The following IFNA13 variants were observed in gnomAD, a reference collection of about 807,000 sequenced individuals.
IFNA13 encodes the protein interferon alpha 13, also known as interferon alpha-13.
For missense variants in IFNA13, 166 were observed against 220.7 expected, an observed-to-expected ratio of 0.75 and a Z score of 1.57; for synonymous variants, 61 against 86.3, an observed-to-expected ratio of 0.71 and a Z score of 1.62.
At chr9:21,367,620 C>T in exon 1 of IFNA13, 2 of 1,572,054 alleles carry the variant, frequency 1.3e-6, no homozygotes, top group Non-Finnish European at 1.7e-6. Context: ...GGAGTTTCTC[C>T]CACCCTCTCC....
rs1164592178 is a variant in IFNA13, at chr9:21,367,677, C to T, written c.334G>A (p.Glu112Lys). Residue 112 changes from glutamate (E) to lysine (K), a missense_variant, in exon 1 of 1, where the codon GAA (glutamate) becomes AAA (lysine). By Grantham distance (56) the Glu-to-Lys change is moderately conservative. Coordinates refer to ENST00000610660, the Ensembl canonical transcript of IFNA13. ...AAGTCATTCAGCTGCTGGTAGAGTTCGGTGCAGAATTTGTCTAGGAGGTCC... is the reference window on the plus strand; with the variant it reads ...AAGTCATTCAGCTGCTGGTAGAGTTTGGTGCAGAATTTGTCTAGGAGGTCC... 1.0e-5 allele frequency: 15 copies of T among 1,488,362 alleles called. No homozygotes were observed. Among genetic ancestry groups the T allele is most frequent in the African/African-American group, 6.0e-5 (4 of 66,702 alleles). 92.2% of individuals were successfully genotyped at this position (1,488,362 alleles called of 1,614,324 possible).
Position 21,367,451 on chromosome 9 carries a change from C to T in IFNA13, c.560G>A (p.Arg187Lys), listed in dbSNP as rs778180548. ...TTGGACCAGGTGTTATTCCTTCCTC[C>T]TTAATCTTTCTTGCAAGTTTGTTGA... Residue 187 changes from arginine to lysine, a missense_variant, in exon 1 of 1, where the codon AGG (arginine) becomes AAG (lysine). By Grantham distance (26) the Arg-to-Lys change is conservative. Transcript: ENST00000610660. The T allele has an allele frequency of 9.9e-6, 16 of 1,613,702 alleles. No homozygotes were observed. The highest frequency in any genetic ancestry group is 1.4e-5 in the Non-Finnish European group (16 of 1,179,978).
chr9:21,368,051 T>C (rs752641217), exon 1 of IFNA13: 1 of 1,608,612 alleles, frequency 6.2e-7, no homozygotes, highest in Admixed American at 1.7e-5. Context: ...GATGGGTGAC[T>C]CTGAACCTTG....
At position 21,367,598 on chromosome 9, in the gene IFNA13, G is replaced by T. The variant is rs147936545; in HGVS notation, c.413C>A (p.Ala138Glu). ...TTTCTTCACAGCCAAGATGGAGTCCGCATTCATCAGGGGAGTTTCTCCCAC... is the reference window on the plus strand; with the variant it reads ...TTTCTTCACAGCCAAGATGGAGTCCTCATTCATCAGGGGAGTTTCTCCCAC... The change falls in exon 1 of 1, where the codon GCG (alanine) becomes GAG (glutamate). Residue 138 changes from alanine to glutamate, a missense_variant. By Grantham distance (107) the Ala-to-Glu change is moderately radical. Coordinates refer to ENST00000610660, the Ensembl canonical transcript of IFNA13. 3.8e-6 allele frequency: 6 copies of T among 1,593,026 alleles called. No homozygotes were observed. In the East Asian group the frequency reaches 9.0e-5, roughly 24 times the overall value.
At chr9:21,367,886 A>G in exon 1 of IFNA13, 5 of 1,610,782 alleles carry the variant, frequency 3.1e-6, no homozygotes, top group East Asian at 2.2e-5. Context: ...CATTTGTGCC[A>G]GGAGCATCAA....
In IFNA13 at chr9:21,367,530, T is replaced by C. The variant is rs760641943; in HGVS notation, c.481A>G (p.Ser161Gly). 2.5e-5 allele frequency: 40 copies of C among 1,605,906 alleles called. No homozygotes were observed. The South Asian group carries it at 2.8e-4, about 11-fold the overall frequency. ...CTGACAACCTCCCAGGCACAAGGGC[T>C]GTATTTCTTCTCTGTCAGATAGAGA... Residue 161 changes from serine to glycine, a missense_variant, in exon 1 of 1, where the codon AGC (serine) becomes GGC (glycine). Transcript: ENST00000610660.
chr9:21,367,884 C>T (rs1480480967), exon 1 of IFNA13: 2 of 1,609,942 alleles, frequency 1.2e-6, no homozygotes, highest in Non-Finnish European at 8.5e-7. Flanking sequence ...CTCATTTGTG[C>T]CAGGAGCATC....
chr9:21,367,717 A>G (rs908130187), exon 1 of IFNA13: 8 of 1,427,526 alleles, frequency 5.6e-6, no homozygotes, highest in Non-Finnish European at 7.6e-6. Context: ...CCCAAGCAGC[A>G]GATGAATCTT....
chr9:21,367,477 T>C lies in IFNA13; in HGVS notation c.534A>G (p.Leu178=), dbSNP rs1158827226. ...TTAATCTTTCTTGCAAGTTTGTTGA[T>C]AAAGAGAGGGATCTCATGATTTCTG... The change falls in exon 1 of 1, where the codon TTA becomes TTG. Residue 178 remains leucine (L), a synonymous_variant. Transcript: ENST00000610660. 3.1e-6 allele frequency: 5 copies of C among 1,612,414 alleles called. No individual in the cohort carries two copies. In the African/African-American group the frequency reaches 5.4e-5, roughly 17 times the overall value.
exon 1 of IFNA13, chr9:21,367,465 C>A (rs757559719): frequency 3.1e-6 from 5 of 1,613,126 alleles, no homozygotes; most frequent in Middle Eastern, 3.3e-4. Context: ...ATCTTTCTTG[C>A]AAGTTTGTTG....
chr9:21,368,001 A>G (rs879045841), exon 1 of IFNA13: 1 of 1,612,794 alleles, frequency 6.2e-7, no homozygotes, highest in Non-Finnish European at 8.5e-7. Flanking sequence ...GCAAAGGGCG[A>G]GGCCATCATA....
exon 1 of IFNA13, chr9:21,368,040 A>C (rs754746156): frequency 3.4e-5 from 55 of 1,611,806 alleles, no homozygotes; most frequent in Middle Eastern, 1.6e-4. Flanking sequence ...GGGCTTGCTG[A>C]GATGGGTGAC....
At chr9:21,368,013 A>T in exon 1 of IFNA13, 1 of 1,612,618 alleles carries the variant, frequency 6.2e-7, no homozygotes. Flanking sequence ...GCCATCATAG[A>T]TATTGCAGAT....
chr9:21,367,392 A>C, downstream of IFNA13: 1 of 1,606,404 alleles, frequency 6.2e-7, no homozygotes, highest in South Asian at 1.1e-5. Context: ...TGAAAGCGTG[A>C]CCTGGTATAT....
chr9:21,367,984 C>G (rs147549496), exon 1 of IFNA13: 1 of 1,613,164 alleles, frequency 6.2e-7, no homozygotes, highest in South Asian at 1.1e-5. Flanking sequence ...CCAGGGCCAT[C>G]AGTAAAGCAA....
exon 1 of IFNA13, chr9:21,367,849 C>G (rs1586953637): frequency 1.2e-6 from 2 of 1,606,306 alleles, no homozygotes; most frequent in East Asian, 4.5e-5. Context: ...GTCTGTCCAT[C>G]AGACAGGAGG....
exon 1 of IFNA13, chr9:21,367,480 A>G (rs781667868): frequency 3.1e-6 from 5 of 1,612,064 alleles, no homozygotes; most frequent in Non-Finnish European, 4.2e-6. Context: ...TTGTTGATAA[A>G]GAGAGGGATC....
At chr9:21,367,527 G>A (rs1176771135) in exon 1 of IFNA13, 3 of 1,604,786 alleles carry the variant, frequency 1.9e-6, no homozygotes, top group Non-Finnish European at 2.5e-6. Flanking sequence ...CAGGCACAAG[G>A]GCTGTATTTC....
chr9:21,368,003 G>T (rs771544344), exon 1 of IFNA13: 2 of 1,612,654 alleles, frequency 1.2e-6, no homozygotes, highest in East Asian at 2.2e-5. Context: ...AAAGGGCGAG[G>T]CCATCATAGA....
Sources: allele counts gnomAD v4.1 joint callset, GRCh38; gene constraint gnomAD v4.1.1; transcripts MANE v1.5; gene names NCBI Gene and HGNC (gene_info 2026-07-23, HGNC 2026-07-21).